The following UBE2E2 variants were observed in gnomAD, a reference collection of about 807,000 sequenced individuals.
UBE2E2 encodes ubiquitin-conjugating enzyme E2 E2.
Under a neutral mutation model 24.7 loss-of-function variants are expected in UBE2E2, and 6 were observed. That is an observed-to-expected ratio of 0.24 (90% CI 0.13 to 0.48). UBE2E2 has a LOEUF of 0.48. UBE2E2 is among the 20% of genes least tolerant of loss of function. UBE2E2 has a pLI of 0.99. For missense variants in UBE2E2, 169 were observed against 245.0 expected, an observed-to-expected ratio of 0.69 and a Z score of 2.07; for synonymous variants, 104 against 83.6, an observed-to-expected ratio of 1.24 and a Z score of -1.33.
At chr3:23,469,615 G>A (rs1698992744) in intron 3 of UBE2E2, among the ~76,000 whole-genome samples, 1 of 152,134 alleles carries the variant, frequency 6.6e-6, no homozygotes, top group South Asian at 2.1e-4. Context: ...AAGCAGAGTT[G>A]AACCTGCCAA....
At chr3:23,326,307 G>C (rs1450352379) in intron 3 of UBE2E2, among the ~76,000 whole-genome samples, 1 of 152,168 alleles carries the variant, frequency 6.6e-6, no homozygotes, top group Non-Finnish European at 1.5e-5. Context: ...CTGACTTCAG[G>C]TGATCTGCCT....
intron 3 of UBE2E2, among the ~76,000 whole-genome samples, chr3:23,425,575 C>G (rs1697906776): frequency 6.6e-6 from 1 of 152,114 alleles, no homozygotes; most frequent in African/African-American, 2.4e-5. Flanking sequence ...CCCACCACCC[C>G]CAGATTGAAG....
intron 3 of UBE2E2, among the ~76,000 whole-genome samples, chr3:23,479,270 C>A (rs1208520576): frequency 1.3e-5 from 2 of 152,196 alleles, no homozygotes; most frequent in Non-Finnish European, 2.9e-5. Flanking sequence ...CTGTGCATAG[C>A]CAGGCATGCC....
chr3:23,262,923 G>C (rs1697942387), intron 3 of UBE2E2, among the ~76,000 whole-genome samples: 1 of 152,100 alleles, frequency 6.6e-6, no homozygotes, highest in Admixed American at 6.5e-5. Context: ...CTGTGGTCTT[G>C]AATTTTTGTC....
At chr3:23,490,392 T>C (rs1005005888) in intron 3 of UBE2E2, among the ~76,000 whole-genome samples, 5 of 152,348 alleles carry the variant, frequency 3.3e-5, no homozygotes, top group African/African-American at 1.2e-4. Flanking sequence ...ATGCATATTA[T>C]AAAAATGTAG....
At chr3:23,547,479 G>C (rs549325237) in intron 5 of UBE2E2, among the ~76,000 whole-genome samples, 1 of 152,248 alleles carries the variant, frequency 6.6e-6, no homozygotes, top group East Asian at 1.9e-4. Context: ...TTGCTATTTA[G>C]ATTTATTTCC....
At chr3:23,497,685 G>A (rs73043654) in intron 3 of UBE2E2, among the ~76,000 whole-genome samples, 18,870 of 152,122 alleles carry the variant, frequency 0.12, 1,288 homozygotes, top group Middle Eastern at 0.19. Flanking sequence ...CACTCATGAC[G>A]TTCCTTTTTC....
intron 3 of UBE2E2, among the ~76,000 whole-genome samples, chr3:23,379,733 A>G (rs1402623196): frequency 6.6e-6 from 1 of 152,084 alleles, no homozygotes; most frequent in Admixed American, 6.6e-5. Context: ...GTGTGATGGG[A>G]GAGAGAGATG....
At chr3:23,302,161 C>T (rs530611991) in intron 3 of UBE2E2, among the ~76,000 whole-genome samples, 1 of 152,136 alleles carries the variant, frequency 6.6e-6, no homozygotes, top group East Asian at 1.9e-4. Flanking sequence ...TCTGTGATGT[C>T]CCTTCCAGCC....
intron 3 of UBE2E2, among the ~76,000 whole-genome samples, chr3:23,376,857 A>G (rs1317035045): frequency 2.0e-5 from 3 of 152,222 alleles, no homozygotes; most frequent in African/African-American, 4.8e-5. Context: ...AGCAACTCAC[A>G]TATGAGTTCT....
intron 3 of UBE2E2, among the ~76,000 whole-genome samples, chr3:23,299,803 C>T (rs917498234): frequency 5.4e-4 from 82 of 152,284 alleles, no homozygotes; most frequent in South Asian, 2.7e-3. Flanking sequence ...ATTAGGTCCA[C>T]TTGGTGCAGA....
chr3:23,459,458 C>G (rs949012350), intron 3 of UBE2E2, among the ~76,000 whole-genome samples: 1 of 152,198 alleles, frequency 6.6e-6, no homozygotes, highest in Non-Finnish European at 1.5e-5. Context: ...TAGCTCTTCT[C>G]CAACTTGTAA....
At chr3:23,548,066 C>T (rs1695563713) in intron 5 of UBE2E2, among the ~76,000 whole-genome samples, 2 of 152,184 alleles carry the variant, frequency 1.3e-5, no homozygotes, top group South Asian at 4.1e-4. Context: ...ATAGCCAAAT[C>T]AGTGTGAACT....
chr3:23,355,727 C>A (rs1219415438), intron 3 of UBE2E2, among the ~76,000 whole-genome samples: 1 of 152,174 alleles, frequency 6.6e-6, no homozygotes, highest in African/African-American at 2.4e-5. Context: ...ATACTAAAAT[C>A]TCTGATCTAT....
At chr3:23,470,034 A>T (rs982014248) in intron 3 of UBE2E2, among the ~76,000 whole-genome samples, 6 of 152,214 alleles carry the variant, frequency 3.9e-5, no homozygotes. Context: ...GAAGCTGGTT[A>T]TCTGTCTGGC....
At chr3:23,484,159 C>T (rs1699313384) in intron 3 of UBE2E2, among the ~76,000 whole-genome samples, 1 of 152,242 alleles carries the variant, frequency 6.6e-6, no homozygotes, top group Admixed American at 6.5e-5. Flanking sequence ...CTTCTCCCTG[C>T]CTTTTTCCAT....
intron 3 of UBE2E2, among the ~76,000 whole-genome samples, chr3:23,459,050 A>C (rs1213068090): frequency 1.3e-5 from 2 of 152,224 alleles, no homozygotes; most frequent in Non-Finnish European, 2.9e-5. Context: ...GGTTTGAACT[A>C]GATCTCCATT....
At chr3:23,385,830 G>GT (rs1419793276) in intron 3 of UBE2E2, among the ~76,000 whole-genome samples, 1 of 152,178 alleles carries the variant, frequency 6.6e-6, no homozygotes, top group Non-Finnish European at 1.5e-5. Context: ...TGAATAGGAA[G>GT]TTTTTCAATA....
intron 3 of UBE2E2, among the ~76,000 whole-genome samples, chr3:23,298,535 A>G (rs527594915): frequency 0.063 from 9,569 of 150,908 alleles, 453 homozygotes; most frequent in Non-Finnish European, 0.092. Context: ...TTCTGCATCT[A>G]TTGAGATAAT....
Sources: gnomAD v4.1 joint callset for allele counts (sites outside exome capture counted in the v4.1 genomes callset) on GRCh38, gnomAD v4.1.1 for gene constraint, MANE v1.5 for transcripts, NCBI Gene and HGNC (gene_info 2026-07-23, HGNC 2026-07-21) for gene names.